Variants in RANGAP1 observed in about 807,000 individuals in gnomAD.
The protein encoded by RANGAP1 is ran GTPase-activating protein 1.
A neutral mutation model predicts 63.5 loss-of-function variants in RANGAP1; 38 were observed. The ratio of observed to expected loss-of-function variants is 0.60; its 90% CI spans 0.46 to 0.78. The LOEUF is 0.78. RANGAP1 is among the 30% of genes least tolerant of loss of function. The pLI is 0.00. For synonymous variants in RANGAP1, 329 were observed against 310.5 expected, an observed-to-expected ratio of 1.06 and a Z score of -0.63; for missense variants, 630 against 740.3, an observed-to-expected ratio of 0.85 and a Z score of 1.73.
chr22:41,285,798 T>C (rs1396867765), intron 1 of RANGAP1, 188 bp downstream of exon 1: 6 of 784,180 alleles, frequency 7.7e-6, no homozygotes, highest in African/African-American at 3.8e-5. Context: ...GTTTCCCCAT[T>C]TGTGAAAGGA....
chr22:41,259,992 C>A (rs992470675), intron 6 of RANGAP1, among the ~76,000 whole-genome samples: 2 of 149,362 alleles, frequency 1.3e-5, no homozygotes, highest in Non-Finnish European at 3.0e-5. Flanking sequence ...GGCAACAGAG[C>A]GAGACCCTGC....
chr22:41,298,247 C>T, the RANGAP1 span, among the ~76,000 whole-genome samples: 2 of 152,176 alleles, frequency 1.3e-5, no homozygotes, highest in African/African-American at 2.4e-5. Context: ...GTGACCCACC[C>T]GCCTTGGCCT....
At chr22:41,287,315 GA>G (rs2035774152), upstream of RANGAP1, among the ~76,000 whole-genome samples, 1 of 150,962 alleles carries the variant, frequency 6.6e-6, no homozygotes, top group African/African-American at 2.4e-5. Flanking sequence ...GGAGTTCTTT[GA>G]ACATTTTTGC....
rs186968705 is a variant in RANGAP1 at position 41,245,004 on chromosome 22, C to A, written c.*1599G>T. Among the ~76,000 whole-genome samples the A allele has an allele frequency of 1.0e-3, 153 of 152,230 alleles. 1 individual carries two copies. The highest frequency in any genetic ancestry group is 2.5e-3 in the South Asian group (12 of 4,826). ...TCATCTAAATGGAATCATATTTGTC[C>A]TTTTGTGTCTGGCTTATTTCATTTA... On this transcript the variant is annotated 3_prime_UTR_variant, in exon 16 of 16. Transcript: ENST00000356244.
At chr22:41,247,236 T>C (rs1049698821) in intron 15 of RANGAP1, among the ~76,000 whole-genome samples, 1 of 152,042 alleles carries the variant, frequency 6.6e-6, no homozygotes, top group Admixed American at 6.6e-5. Flanking sequence ...TTTGTATTTT[T>C]AGTAGAGACA....
At chr22:41,266,441 A>G (rs1256204728) in intron 4 of RANGAP1, among the ~76,000 whole-genome samples, 3 of 152,230 alleles carry the variant, frequency 2.0e-5, no homozygotes, top group Non-Finnish European at 4.4e-5. Flanking sequence ...AGCTCAGGGA[A>G]ATGAAATGCT....
chr22:41,290,721 A>T (rs2145875833), upstream of RANGAP1, among the ~76,000 whole-genome samples: 1 of 152,338 alleles, frequency 6.6e-6, no homozygotes, highest in South Asian at 2.1e-4. Flanking sequence ...TGAGTGTTTT[A>T]AATTCCATTC....
intron 1 of RANGAP1, chr22:41,281,789 G>A: frequency 3.5e-6 from 1 of 284,662 alleles, no homozygotes; most frequent in Non-Finnish European, 5.3e-6. Flanking sequence ...AAATGGGGTT[G>A]ATAAGCCTCA....
intron 6 of RANGAP1, 57 bp downstream of exon 6, chr22:41,261,389 C>T: frequency 3.1e-6 from 5 of 1,608,024 alleles, no homozygotes; most frequent in Non-Finnish European, 4.2e-6. Context: ...AACTGTCAGC[C>T]TACTATGCCG....
At chr22:41,283,198 G>C (rs1018077169) in intron 1 of RANGAP1, among the ~76,000 whole-genome samples, 1 of 132,742 alleles carries the variant, frequency 7.5e-6, no homozygotes, top group African/African-American at 2.8e-5. Flanking sequence ...CATTTAGTAT[G>C]TGATTTAAAA....
At chr22:41,268,073 G>A (rs1225037401) in intron 4 of RANGAP1, 24 bp downstream of exon 4, 29 of 1,517,800 alleles carry the variant, frequency 1.9e-5, no homozygotes, top group Non-Finnish European at 2.5e-5. Context: ...GCGCGTGGAG[G>A]GGAAGAGCGG....
intron 1 of RANGAP1, among the ~76,000 whole-genome samples, chr22:41,284,738 G>A (rs187839071): frequency 6.6e-6 from 1 of 152,276 alleles, no homozygotes; most frequent in African/African-American, 2.4e-5. Context: ...TGGGTGTGGT[G>A]GCAGGTGCCT....
rs1382266965 is a variant in RANGAP1 at position 41,245,207 on chromosome 22, C to T, written c.*1396G>A. ...TGAGAAAATATTGCCCTCTAAGAAA[C>T]CTTGGAGGGACTTCTTGGAGGCCGT... On this transcript the variant is annotated 3_prime_UTR_variant, in exon 16 of 16. Coordinates refer to ENST00000356244, the MANE Select transcript of RANGAP1 (RefSeq NM_002883.4). 6.6e-6 allele frequency among the ~76,000 whole-genome samples: 1 copy of T among 152,158 alleles called. No individual in the cohort carries two copies. Among genetic ancestry groups the T allele is most frequent in the Non-Finnish European group, 1.5e-5 (1 of 68,032 alleles).
upstream of RANGAP1, among the ~76,000 whole-genome samples, chr22:41,290,774 AAAT>A (rs1273037032): frequency 2.6e-5 from 4 of 152,242 alleles, no homozygotes; most frequent in Admixed American, 2.0e-4. Context: ...TAAATGGAAT[AAAT>A]AATAATATTT....
rs779759971 is a variant in RANGAP1, at chr22:41,264,651, C to G, written c.480+13G>C. On this transcript the variant is annotated intron_variant, in intron 5 of 15. Coordinates refer to ENST00000356244, the MANE Select transcript of RANGAP1 (RefSeq NM_002883.4). ...ACCAGGGGACTCTGCGGGGAGGGGG[C>G]TGCCACACCCACCTTGCCGCCGCCA... 1 of 1,605,950 alleles carries G rather than the reference C, an allele frequency of 6.2e-7. No individual in the cohort carries two copies. Among genetic ancestry groups the G allele is most frequent in the Non-Finnish European group, 8.5e-7 (1 of 1,174,220 alleles).
intron 1 of RANGAP1, among the ~76,000 whole-genome samples, chr22:41,284,482 G>C (rs543970044): frequency 6.6e-6 from 1 of 151,888 alleles, no homozygotes; most frequent in African/African-American, 2.4e-5. Context: ...CAGGAGAATC[G>C]CTTGAATCTG....
At position 41,278,043 on chromosome 22, in the gene RANGAP1, T is replaced by G. The variant is rs955873124; in HGVS notation, c.112+2890A>C. On this transcript the variant is annotated intron_variant, in intron 2 of 15. Transcript: ENST00000356244. ...TCAGAGCCAGCCAAACTTGAGTTTT[T>G]TTTTTTTTTTTTTGAGATAGTCTCG... 1.2e-4 allele frequency among the ~76,000 whole-genome samples: 18 copies of G among 150,874 alleles called. No individual in the cohort carries two copies. The East Asian group carries it at 2.2e-3, about 18-fold the overall frequency.
chr22:41,264,597 G>C (rs1023582796), intron 5 of RANGAP1, 67 bp downstream of exon 5: 59 of 1,526,652 alleles, frequency 3.9e-5, no homozygotes, highest in Non-Finnish European at 5.1e-5. Context: ...CCAAGGGCCA[G>C]GGCACATATG....
At chr22:41,283,276 C>A (rs1183292604) in intron 1 of RANGAP1, among the ~76,000 whole-genome samples, 1 of 151,642 alleles carries the variant, frequency 6.6e-6, no homozygotes, top group African/African-American at 2.4e-5. Flanking sequence ...TTTGGGAGAC[C>A]GAGGCAGGTG....
Sources: allele counts gnomAD v4.1 joint callset (sites outside exome capture counted in the v4.1 genomes callset), GRCh38; gene constraint gnomAD v4.1.1; transcripts MANE v1.5; gene names NCBI Gene and HGNC (gene_info 2026-07-23, HGNC 2026-07-21).